The following COA1 variants were observed in gnomAD, a reference collection of about 807,000 sequenced individuals.
COA1 encodes cytochrome c oxidase assembly factor 1.
Under a neutral mutation model 16.0 loss-of-function variants are expected in COA1, and 13 were observed. The observed-to-expected ratio is 0.81, with a 90% CI of 0.53 to 1.29. The LOEUF (loss-of-function observed/expected upper bound fraction) is 1.29, where lower values mean the gene tolerates loss of function less well. COA1 is among the 50% of genes most tolerant of loss of function. The pLI, the probability that COA1 is intolerant of heterozygous loss-of-function variation, is 0.00. For missense variants in COA1, 179 were observed against 177.0 expected, an observed-to-expected ratio of 1.01 and a Z score of -0.06; for synonymous variants, 65 against 65.7, an observed-to-expected ratio of 0.99 and a Z score of 0.05.
At chr7:43,701,384 T>G (rs1302727936) in intron 1 of COA1, among the ~76,000 whole-genome samples, 1 of 152,192 alleles carries the variant, frequency 6.6e-6, no homozygotes, top group Non-Finnish European at 1.5e-5. Context: ...TCTATTCCTG[T>G]GTTAATTTGC....
intron 6 of COA1, among the ~76,000 whole-genome samples, chr7:43,630,070 TGGA>T (rs2085012916): frequency 2.0e-5 from 3 of 152,284 alleles, no homozygotes; most frequent in African/African-American, 7.2e-5. Context: ...ATTTTGTATG[TGGA>T]TGCCTTCACA....
intron 1 of COA1, among the ~76,000 whole-genome samples, chr7:43,714,164 G>C (rs2095330977): frequency 2.6e-5 from 4 of 151,662 alleles, no homozygotes; most frequent in Admixed American, 2.6e-4. Flanking sequence ...CTCCAGCCTG[G>C]GTGACAGAGC....
downstream of COA1, among the ~76,000 whole-genome samples, chr7:43,634,891 A>G (rs2085604155): frequency 6.6e-6 from 1 of 152,196 alleles, no homozygotes; most frequent in Non-Finnish European, 1.5e-5. Context: ...AATATTAGGC[A>G]AAAGAAAACC....
intron 4 of COA1, among the ~76,000 whole-genome samples, chr7:43,644,761 G>GATT (rs59592633): frequency 1.8e-4 from 16 of 90,168 alleles, no homozygotes; most frequent in African/African-American, 5.8e-4. Flanking sequence ...TAGATAGATA[G>GATT]GCAGGCAGGC....
chr7:43,697,248 T>C (rs1019632425), intron 1 of COA1, among the ~76,000 whole-genome samples: 2 of 152,250 alleles, frequency 1.3e-5, no homozygotes, highest in African/African-American at 4.8e-5. Context: ...TTCTTCTGTA[T>C]GCTTAACATA....
At chr7:43,719,735 T>C (rs1245676154) in intron 1 of COA1, among the ~76,000 whole-genome samples, 1 of 152,182 alleles carries the variant, frequency 6.6e-6, no homozygotes, top group Non-Finnish European at 1.5e-5. Flanking sequence ...TATTTCAATA[T>C]AGTATTAAGC....
At chr7:43,629,174 G>A (rs2084925640) in intron 6 of COA1, among the ~76,000 whole-genome samples, 1 of 152,148 alleles carries the variant, frequency 6.6e-6, no homozygotes, top group Non-Finnish European at 1.5e-5. Flanking sequence ...ATATATCTGT[G>A]GCTCTAGTTT....
At chr7:43,631,633 C>T (rs2330918) in intron 6 of COA1, 119,609 of 152,216 alleles carry the variant, frequency 0.79, 47,295 homozygotes, top group African/African-American at 0.87. Context: ...TTCCCTCTAG[C>T]TAAGATTTCA....
At chr7:43,627,432 G>A (rs1003174343) in intron 6 of COA1, among the ~76,000 whole-genome samples, 5 of 152,128 alleles carry the variant, frequency 3.3e-5, no homozygotes, top group African/African-American at 1.2e-4. Flanking sequence ...ATGTAATGGG[G>A]GTGGTGCGTG....
chr7:43,651,160 A>C (rs1372449620), intron 1 of COA1, among the ~76,000 whole-genome samples: 5 of 152,240 alleles, frequency 3.3e-5, no homozygotes, highest in East Asian at 1.9e-4. Flanking sequence ...CTAGTCTTCT[A>C]GTAAGAAGTG....
intron 1 of COA1, among the ~76,000 whole-genome samples, chr7:43,691,381 A>G (rs191212358): frequency 1.3e-3 from 102 of 76,650 alleles, no homozygotes; most frequent in East Asian, 4.5e-3. Flanking sequence ...GGGAGGGAGG[A>G]AGGAAGGAAG....
At chr7:43,712,942 GT>G (rs752013866) in intron 1 of COA1, among the ~76,000 whole-genome samples, 1 of 151,552 alleles carries the variant, frequency 6.6e-6, no homozygotes, top group Non-Finnish European at 1.5e-5. Flanking sequence ...CATATATATG[GT>G]TTTTTTGTCT....
At chr7:43,617,085 G>A (rs2083425264) in intron 6 of COA1, among the ~76,000 whole-genome samples, 1 of 152,212 alleles carries the variant, frequency 6.6e-6, no homozygotes, top group South Asian at 2.1e-4. Context: ...TCTTGTGAGA[G>A]GGAGCATGGC....
At chr7:43,717,029 G>A (rs2095409607) in intron 1 of COA1, among the ~76,000 whole-genome samples, 1 of 152,234 alleles carries the variant, frequency 6.6e-6, no homozygotes, top group Non-Finnish European at 1.5e-5. Flanking sequence ...GTATGGAAAT[G>A]TATGGAAGCC....
At chr7:43,653,128 T>C (rs966223922) in intron 1 of COA1, among the ~76,000 whole-genome samples, 1 of 152,180 alleles carries the variant, frequency 6.6e-6, no homozygotes, top group East Asian at 1.9e-4. Context: ...CTGGCTAACG[T>C]GGTGAAACCC....
intron 1 of COA1, among the ~76,000 whole-genome samples, chr7:43,664,825 A>T (rs2092765734): frequency 6.6e-6 from 1 of 152,224 alleles, no homozygotes; most frequent in East Asian, 1.9e-4. Flanking sequence ...AGCTCTCCCT[A>T]CAAGAATATG....
intron 1 of COA1, among the ~76,000 whole-genome samples, chr7:43,725,365 T>C (rs2095594953): frequency 6.6e-6 from 1 of 152,240 alleles, no homozygotes; most frequent in Non-Finnish European, 1.5e-5. Context: ...GCCAATTTTA[T>C]GTTATGTATA....
intron 1 of COA1, among the ~76,000 whole-genome samples, chr7:43,715,922 G>A (rs2095382971): frequency 6.6e-6 from 1 of 152,128 alleles, no homozygotes; most frequent in African/African-American, 2.4e-5. Flanking sequence ...GAGATCTGAT[G>A]GTTTTATCAG....
chr7:43,651,823 C>A (rs886929117), intron 1 of COA1, among the ~76,000 whole-genome samples: 13 of 151,984 alleles, frequency 8.6e-5, no homozygotes, highest in African/African-American at 2.7e-4. Flanking sequence ...TTGGTGGAAC[C>A]GAAACTCTAC....
Sources: gnomAD v4.1 joint callset for allele counts (sites outside exome capture counted in the v4.1 genomes callset) on GRCh38, gnomAD v4.1.1 for gene constraint, MANE v1.5 for transcripts, NCBI Gene and HGNC (gene_info 2026-07-23, HGNC 2026-07-21) for gene names.